The following IQCK variants were observed in gnomAD, a reference collection of about 807,000 sequenced individuals.
The protein encoded by IQCK is IQ motif containing K.
A neutral mutation model predicts 28.1 loss-of-function variants in IQCK; 29 were observed. The ratio of observed to expected loss-of-function variants is 1.03; its 90% confidence interval spans 0.77 to 1.41. IQCK has a LOEUF of 1.41. IQCK is among the 40% of genes most tolerant of loss of function. The pLI is 0.00. For synonymous variants in IQCK, 113 were observed against 115.1 expected (o/e 0.98, Z 0.12); for missense variants, 359 against 314.7 (o/e 1.14, Z -1.07).
intron 9 of IQCK, among the ~76,000 whole-genome samples, chr16:19,855,711 A>G (rs2056551095): frequency 6.6e-6 from 1 of 152,200 alleles, no homozygotes; most frequent in Admixed American, 6.5e-5. Context: ...TCAGCCCTAC[A>G]TAGTAACAAG....
intron 6 of IQCK, among the ~76,000 whole-genome samples, chr16:19,779,012 TC>T (rs1382027189): frequency 6.6e-6 from 1 of 152,184 alleles, no homozygotes; most frequent in Admixed American, 6.5e-5. Context: ...AGTCAGAGTC[TC>T]ACTCTGTTGC....
intron 5 of IQCK, 22 bp from the exon 6 acceptor site, chr16:19,764,012 CA>C: frequency 6.2e-7 from 1 of 1,609,584 alleles, no homozygotes; most frequent in Non-Finnish European, 8.5e-7. Context: ...TCTTGTCAAT[CA>C]AACATATGGC....
intron 6 of IQCK, among the ~76,000 whole-genome samples, chr16:19,767,548 T>C (rs1278173080): frequency 2.0e-5 from 3 of 152,044 alleles, no homozygotes; most frequent in Non-Finnish European, 4.4e-5. Context: ...GCTGGTGTGC[T>C]CCTCTCAACA....
At chr16:19,807,989 TG>T (rs1246064884) in intron 7 of IQCK, among the ~76,000 whole-genome samples, 4 of 152,174 alleles carry the variant, frequency 2.6e-5, no homozygotes, top group African/African-American at 9.7e-5. Flanking sequence ...AATCCTGTTT[TG>T]TTTTTTTTAA....
chr16:19,743,456 A>G (rs1345474329), intron 4 of IQCK, among the ~76,000 whole-genome samples: 4 of 152,224 alleles, frequency 2.6e-5, no homozygotes, highest in African/African-American at 9.6e-5. Context: ...AGAGCCAGAG[A>G]GTAGAGCAAG....
chr16:19,748,527 T>G (rs576518952), intron 4 of IQCK, among the ~76,000 whole-genome samples: 1 of 152,332 alleles, frequency 6.6e-6, no homozygotes, highest in South Asian at 2.1e-4. Context: ...AAGCAAAACT[T>G]AAGAGTGTCT....
rs1005935221 is a variant in IQCK at position 19,849,067 on chromosome 16, A to G, written c.803-7420A>G. On this transcript the variant is annotated intron_variant, in intron 9 of 9. Transcript: ENST00000320394. The stretch of plus-strand genomic sequence containing the variant: ...TTCTCATCCTTCCTGCCTTTCTCCC[A>G]TCTTTGGGCTCTAATTGCAGCAATA... Among the ~76,000 whole-genome samples, 19 of 151,628 alleles carry G rather than the reference A, an allele frequency of 1.3e-4. No homozygotes were observed. In the East Asian group the frequency reaches 3.3e-3, roughly 26 times the overall value.
intron 1 of IQCK, among the ~76,000 whole-genome samples, chr16:19,720,843 C>G (rs1414401772): frequency 6.6e-6 from 1 of 152,030 alleles, no homozygotes; most frequent in African/African-American, 2.4e-5. Flanking sequence ...ATGTTGAAAC[C>G]CTGTCTCTAC....
At chr16:19,816,038 A>G (rs1256344991) in intron 7 of IQCK, among the ~76,000 whole-genome samples, 1 of 152,152 alleles carries the variant, frequency 6.6e-6, no homozygotes, top group African/African-American at 2.4e-5. Flanking sequence ...AGGCCTGACC[A>G]TTATGTTATT....
chr16:19,751,890 A>G (rs1231984932), intron 4 of IQCK, among the ~76,000 whole-genome samples: 2 of 152,104 alleles, frequency 1.3e-5, no homozygotes, highest in African/African-American at 4.8e-5. Flanking sequence ...TTCCGATTAT[A>G]GTTATAGCTG....
At chr16:19,822,558 G>T (rs949333068) in intron 7 of IQCK, among the ~76,000 whole-genome samples, 1 of 152,070 alleles carries the variant, frequency 6.6e-6, no homozygotes, top group African/African-American at 2.4e-5. Flanking sequence ...CAGACACAAA[G>T]GACACATGAT....
chr16:19,763,016 A>C (rs531780968), intron 4 of IQCK, among the ~76,000 whole-genome samples: 1 of 152,262 alleles, frequency 6.6e-6, no homozygotes, highest in Non-Finnish European at 1.5e-5. Flanking sequence ...GCCCTGTCAC[A>C]AAAAGAAAGA....
intron 9 of IQCK, among the ~76,000 whole-genome samples, chr16:19,836,357 CA>C (rs1567198671): frequency 1.3e-5 from 2 of 152,268 alleles, no homozygotes; most frequent in East Asian, 1.9e-4. Context: ...TGGATGACAT[CA>C]ACTTTTACAC....
At position 19,811,285 on chromosome 16, in the gene IQCK, G is replaced by C. The variant is rs554695778; in HGVS notation, c.691-15741G>C. On this transcript the variant is annotated intron_variant, in intron 7 of 7. Transcript: ENST00000564186. ...GACCCTGTCTCAAAACAACAACAAT[G>C]CATTGTACAATGATATGGTCTCTAG... Among the ~76,000 whole-genome samples the C allele has an allele frequency of 2.9e-3, 445 of 152,256 alleles. 1 individual carries two copies. Among genetic ancestry groups the C allele is most frequent in the Non-Finnish European group, 4.9e-3 (336 of 68,014 alleles).
chr16:19,824,641 A>T (rs1003152343), intron 7 of IQCK, among the ~76,000 whole-genome samples: 1 of 152,222 alleles, frequency 6.6e-6, no homozygotes, highest in African/African-American at 2.4e-5. Context: ...ACTTTAACTT[A>T]TCTTTCAAGA....
chr16:19,831,007 A>G (rs976550649), downstream of IQCK, among the ~76,000 whole-genome samples: 2 of 152,248 alleles, frequency 1.3e-5, no homozygotes, highest in African/African-American at 4.8e-5. Flanking sequence ...AGCCTGGCAC[A>G]GAGCAGATGG....
intron 2 of IQCK, among the ~76,000 whole-genome samples, chr16:19,731,348 A>T (rs1457722572): frequency 6.6e-6 from 1 of 152,226 alleles, no homozygotes; most frequent in Non-Finnish European, 1.5e-5. Context: ...TGAGCACGGT[A>T]ACACGGATGG....
At chr16:19,843,520 A>G (rs1224598653) in intron 9 of IQCK, among the ~76,000 whole-genome samples, 1 of 152,250 alleles carries the variant, frequency 6.6e-6, no homozygotes, top group Non-Finnish European at 1.5e-5. Flanking sequence ...TGCAAAGTTT[A>G]TCCATGCTGT....
chr16:19,732,503 G>A (rs1432263252), intron 2 of IQCK, among the ~76,000 whole-genome samples: 1 of 152,082 alleles, frequency 6.6e-6, no homozygotes, highest in Admixed American at 6.6e-5. Context: ...CTTTCTTTTT[G>A]AGACAGGGTC....
Sources: allele counts gnomAD v4.1 joint callset (sites outside exome capture counted in the v4.1 genomes callset), GRCh38; gene constraint gnomAD v4.1.1; transcripts MANE v1.5; gene names NCBI Gene and HGNC (gene_info 2026-07-23, HGNC 2026-07-21).